Variants in SPOCK1 observed in about 807,000 individuals in gnomAD.
The protein encoded by SPOCK1 is testican-1.
Under a neutral mutation model 55.3 loss-of-function variants are expected in SPOCK1, and 23 were observed. The observed-to-expected ratio is 0.42, with a 90% CI of 0.30 to 0.59. The LOEUF is 0.59. SPOCK1 is among the 20% of genes least tolerant of loss of function. The pLI, the probability that SPOCK1 is intolerant of heterozygous loss-of-function variation, is 0.22. For synonymous variants in SPOCK1, 226 were observed against 221.0 expected (o/e 1.02, Z -0.20); for missense variants, 499 against 552.5 (o/e 0.90, Z 0.97).
chr5:137,152,568 G>A (rs1754338328), intron 3 of SPOCK1, among the ~76,000 whole-genome samples: 1 of 152,184 alleles, frequency 6.6e-6, no homozygotes, highest in South Asian at 2.1e-4. Context: ...GTAAGACACA[G>A]CAGAAAGAAA....
In SPOCK1 at chr5:137,263,248, TCA is replaced by T. The variant is rs1756783523; in HGVS notation, c.232+3760_232+3761del. On this transcript the variant is annotated intron_variant, in intron 3 of 10. Transcript: ENST00000394945. ...ATGGGTTTCTTTACTGAAAGACGCC[TCA>T]GAGTTTTTTAAGTTGATAATGAGCA... 3.3e-5 allele frequency among the ~76,000 whole-genome samples: 5 copies of T among 152,212 alleles called. No individual in the cohort carries two copies. The South Asian group carries it at 1.0e-3, about 32-fold the overall frequency.
chr5:137,255,747 T>C (rs1327058357), intron 3 of SPOCK1, among the ~76,000 whole-genome samples: 1 of 152,158 alleles, frequency 6.6e-6, no homozygotes, highest in Non-Finnish European at 1.5e-5. Context: ...TAGAGCAGAG[T>C]TCAGGGCAAG....
chr5:137,162,172 CT>C (rs1754571058), intron 3 of SPOCK1, among the ~76,000 whole-genome samples: 1 of 138,518 alleles, frequency 7.2e-6, no homozygotes, highest in African/African-American at 2.7e-5. Flanking sequence ...AGTCTTGGCT[CT>C]ATTGCCCAGG....
intron 9 of SPOCK1, among the ~76,000 whole-genome samples, chr5:136,979,825 C>A (rs2126956830): frequency 6.6e-6 from 1 of 152,262 alleles, no homozygotes; most frequent in Middle Eastern, 3.4e-3. Flanking sequence ...ACCATCATTA[C>A]CTTTTAATAT....
chr5:137,341,414 C>T (rs1251783774), intron 2 of SPOCK1, among the ~76,000 whole-genome samples: 6 of 152,202 alleles, frequency 3.9e-5, no homozygotes, highest in South Asian at 2.1e-4. Flanking sequence ...AGAATCAGGA[C>T]GCTGCCAAGG....
At chr5:137,349,433 G>A (rs1750629248) in intron 2 of SPOCK1, among the ~76,000 whole-genome samples, 1 of 152,208 alleles carries the variant, frequency 6.6e-6, no homozygotes, top group Non-Finnish European at 1.5e-5. Context: ...AGAAATTGGG[G>A]AATGACTTGC....
intron 3 of SPOCK1, among the ~76,000 whole-genome samples, chr5:137,243,248 C>T (rs368115318): frequency 8.5e-5 from 13 of 152,126 alleles, no homozygotes; most frequent in East Asian, 3.8e-4. Context: ...GGGAAAAGCA[C>T]GCTGAGGCCT....
At chr5:137,393,252 GC>G (rs1751765692) in intron 2 of SPOCK1, among the ~76,000 whole-genome samples, 2 of 152,256 alleles carry the variant, frequency 1.3e-5, no homozygotes, top group African/African-American at 2.4e-5. Flanking sequence ...CTGCCATTGA[GC>G]CCATCCATGT....
At chr5:136,987,464 T>C (rs1211129106) in intron 8 of SPOCK1, among the ~76,000 whole-genome samples, 1 of 152,106 alleles carries the variant, frequency 6.6e-6, no homozygotes, top group Non-Finnish European at 1.5e-5. Flanking sequence ...AGAATAGGTA[T>C]TCTCATATAT....
chr5:137,207,270 C>A (rs1755535115), intron 3 of SPOCK1, among the ~76,000 whole-genome samples: 1 of 152,370 alleles, frequency 6.6e-6, no homozygotes, highest in East Asian at 1.9e-4. Context: ...GAATGAGCAC[C>A]TGCAGGCCTG....
At chr5:137,412,096 G>A (rs1301213151) in intron 2 of SPOCK1, among the ~76,000 whole-genome samples, 1 of 152,186 alleles carries the variant, frequency 6.6e-6, no homozygotes, top group African/African-American at 2.4e-5. Flanking sequence ...CTGTCATGGA[G>A]ATGGACTGCA....
At chr5:137,449,726 G>GA (rs1473999550) in intron 2 of SPOCK1, among the ~76,000 whole-genome samples, 1 of 147,194 alleles carries the variant, frequency 6.8e-6, no homozygotes, top group Non-Finnish European at 1.5e-5. Context: ...CCATCTCTAT[G>GA]AAAAATAAAA....
chr5:137,097,193 G>A (rs890938914), intron 5 of SPOCK1, among the ~76,000 whole-genome samples: 4 of 152,240 alleles, frequency 2.6e-5, no homozygotes, highest in East Asian at 1.9e-4. Context: ...CTGGCCACTG[G>A]GGGGTAGACT....
chr5:137,317,542 T>G (rs1180797713), intron 2 of SPOCK1, among the ~76,000 whole-genome samples: 9 of 152,176 alleles, frequency 5.9e-5, no homozygotes, highest in Non-Finnish European at 5.9e-5. Flanking sequence ...AAACTGAAAT[T>G]CTAACGGTGT....
chr5:137,375,989 G>C (rs1345448798), intron 2 of SPOCK1, among the ~76,000 whole-genome samples: 1 of 152,138 alleles, frequency 6.6e-6, no homozygotes, highest in East Asian at 1.9e-4. Flanking sequence ...TTTTAAGAAG[G>C]CACCATGAGA....
chr5:137,419,856 G>A (rs1752445161), intron 2 of SPOCK1, among the ~76,000 whole-genome samples: 1 of 152,144 alleles, frequency 6.6e-6, no homozygotes, highest in Non-Finnish European at 1.5e-5. Context: ...GGAGTGGTGA[G>A]AGAGGGCATC....
At chr5:137,220,220 C>T (rs1466162216) in intron 3 of SPOCK1, among the ~76,000 whole-genome samples, 1 of 152,186 alleles carries the variant, frequency 6.6e-6, no homozygotes, top group Admixed American at 6.5e-5. Flanking sequence ...CTCCACATCC[C>T]ATATTGACAA....
At chr5:137,466,689 C>A (rs1229172240) in intron 2 of SPOCK1, among the ~76,000 whole-genome samples, 1 of 152,192 alleles carries the variant, frequency 6.6e-6, no homozygotes, top group Non-Finnish European at 1.5e-5. Flanking sequence ...GAGTGTGCAT[C>A]TTAAGTGTTT....
chr5:137,384,705 T>C (rs1561521488), intron 2 of SPOCK1, among the ~76,000 whole-genome samples: 1 of 151,990 alleles, frequency 6.6e-6, no homozygotes, highest in Non-Finnish European at 1.5e-5. Flanking sequence ...TGACATTCCT[T>C]GGTTGCGGCA....
Sources: allele counts gnomAD v4.1 joint callset (sites outside exome capture counted in the v4.1 genomes callset), GRCh38; gene constraint gnomAD v4.1.1; transcripts MANE v1.5; gene names NCBI Gene and HGNC (gene_info 2026-07-23, HGNC 2026-07-21).